SKAP2: variants seen among roughly 807,000 people sequenced by gnomAD.
SKAP2 encodes src kinase-associated phosphoprotein 2.
SKAP2 carries 28 observed loss-of-function variants against 54.9 expected under a neutral mutation model. The ratio of observed to expected loss-of-function variants is 0.51; its 90% CI spans 0.38 to 0.70. The LOEUF (loss-of-function observed/expected upper bound fraction) is 0.70. Ranked by LOEUF, SKAP2 falls within the 30% of genes least tolerant of loss-of-function variation. The pLI is 0.00. For missense variants in SKAP2, 356 were observed against 424.1 expected, an observed-to-expected ratio of 0.84 and a Z score of 1.41; for synonymous variants, 137 against 134.3, an observed-to-expected ratio of 1.02 and a Z score of -0.14.
chr7:26,692,978 G>A (rs1045678725), intron 9 of SKAP2, among the ~76,000 whole-genome samples: 3 of 152,050 alleles, frequency 2.0e-5, no homozygotes, highest in Non-Finnish European at 2.9e-5. Context: ...AAAGGCACTC[G>A]TCCTCAGTCA....
At chr7:26,675,562 A>G (rs902926627) in intron 11 of SKAP2, among the ~76,000 whole-genome samples, 2 of 152,240 alleles carry the variant, frequency 1.3e-5, no homozygotes, top group Non-Finnish European at 2.9e-5. Flanking sequence ...TGCAGGAGAT[A>G]TAAAAGATGT....
chr7:26,819,648 C>T (rs1410353810), intron 4 of SKAP2, among the ~76,000 whole-genome samples: 3 of 152,072 alleles, frequency 2.0e-5, no homozygotes, highest in Non-Finnish European at 2.9e-5. Context: ...ACACTAATCA[C>T]GTTCTGAAAT....
intron 3 of SKAP2, among the ~76,000 whole-genome samples, chr7:26,844,421 AAAG>A (rs1784883810): frequency 6.6e-6 from 1 of 152,180 alleles, no homozygotes; most frequent in Non-Finnish European, 1.5e-5. Flanking sequence ...TGATCTCTAC[AAAG>A]AAGAATCCAA....
intron 4 of SKAP2, among the ~76,000 whole-genome samples, chr7:26,819,271 C>T (rs573069344): frequency 2.0e-5 from 3 of 152,096 alleles, no homozygotes; most frequent in South Asian, 4.2e-4. Flanking sequence ...GTCCTTTGCA[C>T]GGACATGGAT....
chr7:26,763,930 A>G (rs1433269461), intron 4 of SKAP2, among the ~76,000 whole-genome samples: 1 of 152,192 alleles, frequency 6.6e-6, no homozygotes, highest in Non-Finnish European at 1.5e-5. Flanking sequence ...ATACACTATT[A>G]TAAACTTATA....
intron 4 of SKAP2, among the ~76,000 whole-genome samples, chr7:26,798,202 T>C (rs964312441): frequency 6.6e-6 from 1 of 151,316 alleles, no homozygotes; most frequent in African/African-American, 2.4e-5. Context: ...AAGAAACAAA[T>C]AGCATACAAT....
chr7:26,784,350 T>C (rs1165341323), intron 4 of SKAP2, among the ~76,000 whole-genome samples: 2 of 152,228 alleles, frequency 1.3e-5, no homozygotes, highest in African/African-American at 4.8e-5. Context: ...CAGACCTAAG[T>C]TGATGGAGCA....
intron 4 of SKAP2, among the ~76,000 whole-genome samples, chr7:26,806,176 C>T (rs1486258043): frequency 6.6e-6 from 1 of 152,158 alleles, no homozygotes; most frequent in Non-Finnish European, 1.5e-5. Context: ...TCCCTATTCC[C>T]TGAGACATAA....
intron 9 of SKAP2, among the ~76,000 whole-genome samples, chr7:26,712,466 T>C (rs558862425): frequency 6.6e-6 from 1 of 152,332 alleles, no homozygotes; most frequent in South Asian, 2.1e-4. Context: ...GCTTATCTGA[T>C]AACTAAGGAC....
intron 9 of SKAP2, among the ~76,000 whole-genome samples, chr7:26,698,141 T>C (rs140600777): frequency 3.7e-4 from 56 of 152,332 alleles, no homozygotes; most frequent in African/African-American, 9.1e-4. Flanking sequence ...TCATTTGTTA[T>C]AGGCTTTTGC....
chr7:26,673,436 A>G (rs1014315666), intron 11 of SKAP2, among the ~76,000 whole-genome samples: 8 of 152,106 alleles, frequency 5.3e-5, no homozygotes, highest in African/African-American at 1.9e-4. Flanking sequence ...ATAAAGCTAC[A>G]TTATGCGGTT....
chr7:26,849,463 T>C (rs750091259), intron 3 of SKAP2, among the ~76,000 whole-genome samples: 1 of 151,928 alleles, frequency 6.6e-6, no homozygotes, highest in Non-Finnish European at 1.5e-5. Flanking sequence ...GTGGGCAGAT[T>C]ACCTGAGGTC....
chr7:26,803,124 C>G (rs1783950882), intron 4 of SKAP2, among the ~76,000 whole-genome samples: 2 of 152,060 alleles, frequency 1.3e-5, no homozygotes, highest in Non-Finnish European at 2.9e-5. Flanking sequence ...CAAATGGGAT[C>G]ACATCAAGTT....
chr7:26,830,663 C>G (rs1376032907), intron 4 of SKAP2, among the ~76,000 whole-genome samples: 3 of 152,064 alleles, frequency 2.0e-5, no homozygotes, highest in African/African-American at 7.2e-5. Context: ...AACTTCCTTG[C>G]AGAGATATTT....
At chr7:26,726,822 C>CTATAAATGAAATCAAAACA (rs1787719806) in intron 7 of SKAP2, 60 bp downstream of exon 7, 1 of 1,385,986 alleles carries the variant, frequency 7.2e-7, no homozygotes, top group Admixed American at 2.1e-5. Context: ...GTTAATGTCT[C>CTATAAATGAAATCAAAACA]TATAAATGAA....
intron 4 of SKAP2, among the ~76,000 whole-genome samples, chr7:26,761,650 G>C (rs1673732703): frequency 1.3e-5 from 2 of 152,152 alleles, no homozygotes. Flanking sequence ...ACCTGTAATA[G>C]CACTTTGGGA....
chr7:26,810,679 G>GT (rs1257563721), intron 4 of SKAP2, among the ~76,000 whole-genome samples: 7 of 151,782 alleles, frequency 4.6e-5, no homozygotes, highest in Non-Finnish European at 8.8e-5. Flanking sequence ...ATATATACAT[G>GT]TTTTTGTTTG....
intron 9 of SKAP2, among the ~76,000 whole-genome samples, chr7:26,721,605 A>G (rs535027661): frequency 1.3e-5 from 2 of 152,292 alleles, no homozygotes; most frequent in East Asian, 3.9e-4. Flanking sequence ...TTCCTGTTTT[A>G]TGTTGCCCTC....
chr7:26,760,901 G>C (rs1372157277), intron 4 of SKAP2, among the ~76,000 whole-genome samples: 1 of 152,170 alleles, frequency 6.6e-6, no homozygotes, highest in Admixed American at 6.5e-5. Context: ...GAAAAGAAAT[G>C]AATCAATAGT....
Sources: gnomAD v4.1 joint callset for allele counts (sites outside exome capture counted in the v4.1 genomes callset) on GRCh38, gnomAD v4.1.1 for gene constraint, MANE v1.5 for transcripts, NCBI Gene and HGNC (gene_info 2026-07-23, HGNC 2026-07-21) for gene names.